CNGB3: variants seen among roughly 807,000 people sequenced by gnomAD.
CNGB3 encodes cyclic nucleotide-gated channel beta-3.
A neutral mutation model predicts 92.8 loss-of-function variants in CNGB3; 86 were observed. The observed-to-expected ratio is 0.93, with a 90% CI of 0.78 to 1.11. The LOEUF (loss-of-function observed/expected upper bound fraction) is 1.11, where lower values mean the gene tolerates loss of function less well. Ranked by LOEUF, CNGB3 falls within the 50% of genes least tolerant of loss-of-function variation. CNGB3 has a pLI of 0.00. For missense variants in CNGB3, 1,026 were observed against 956.8 expected, an observed-to-expected ratio of 1.07 and a Z score of -0.95; for synonymous variants, 333 against 332.7, an observed-to-expected ratio of 1.00 and a Z score of -0.01.
chr8:86,711,464 A>G (rs1042019027), intron 3 of CNGB3, among the ~76,000 whole-genome samples: 1 of 152,180 alleles, frequency 6.6e-6, no homozygotes, highest in African/African-American at 2.4e-5. Context: ...GTAATTGTCC[A>G]ATTTCCTTCT....
intron 17 of CNGB3, among the ~76,000 whole-genome samples, chr8:86,577,042 C>T (rs927548559): frequency 6.6e-6 from 1 of 152,078 alleles, no homozygotes; most frequent in African/African-American, 2.4e-5. Context: ...TGACTAGGTT[C>T]AGAAAACCTG....
rs1053882943 is a variant in CNGB3 at position 86,713,039 on chromosome 8, T to C, written c.338+13492A>G. On this transcript the variant is annotated intron_variant, in intron 3 of 17. Coordinates refer to ENST00000320005, the MANE Select transcript of CNGB3 (RefSeq NM_019098.5). Reference sequence around the variant, plus strand: ...AAAAACAAGTACCTGATAGAATATGTATTATTCCTCAAGTTTGATGTTCAT... The same window carrying C: ...AAAAACAAGTACCTGATAGAATATGCATTATTCCTCAAGTTTGATGTTCAT... 2.6e-5 allele frequency among the ~76,000 whole-genome samples: 4 copies of C among 152,212 alleles called. No homozygotes were observed. The East Asian group carries it at 5.8e-4, about 22-fold the overall frequency.
At chr8:86,630,943 T>A (rs1289469300) in intron 11 of CNGB3, among the ~76,000 whole-genome samples, 1 of 151,962 alleles carries the variant, frequency 6.6e-6, no homozygotes, top group Non-Finnish European at 1.5e-5. Flanking sequence ...GAGTGGAGGG[T>A]TTTTTTCTGT....
At chr8:86,674,934 C>T (rs554324037) in intron 3 of CNGB3, among the ~76,000 whole-genome samples, 1 of 133,210 alleles carries the variant, frequency 7.5e-6, no homozygotes, top group Non-Finnish European at 1.6e-5. Flanking sequence ...TTCTTTCTTT[C>T]TCTCTTTTTG....
intron 13 of CNGB3, among the ~76,000 whole-genome samples, chr8:86,621,116 A>G (rs182290008): frequency 6.6e-6 from 1 of 152,312 alleles, no homozygotes; most frequent in East Asian, 1.9e-4. Flanking sequence ...ATGAGGCAAA[A>G]AACTGATATC....
intron 10 of CNGB3, among the ~76,000 whole-genome samples, chr8:86,638,775 CA>C (rs1823122227): frequency 6.6e-6 from 1 of 151,846 alleles, no homozygotes. Context: ...TCTCCCCTGT[CA>C]TGCTTCTCAC....
chr8:86,711,554 A>C (rs1244882403), intron 3 of CNGB3, among the ~76,000 whole-genome samples: 1 of 152,150 alleles, frequency 6.6e-6, no homozygotes, highest in Non-Finnish European at 1.5e-5. Context: ...CCGAGCTGTC[A>C]TCTCTCCATG....
chr8:86,578,162 G>A (rs1821694088), intron 17 of CNGB3, among the ~76,000 whole-genome samples: 1 of 152,074 alleles, frequency 6.6e-6, no homozygotes, highest in African/African-American at 2.4e-5. Context: ...GCCCGCCTTG[G>A]TCTCCCAAAG....
chr8:86,639,219 A>C (rs1398487018), intron 10 of CNGB3, among the ~76,000 whole-genome samples: 2 of 152,054 alleles, frequency 1.3e-5, no homozygotes, highest in African/African-American at 4.8e-5. Flanking sequence ...AAATTTGTGC[A>C]CAGTGGGAAA....
At position 86,741,710 on chromosome 8, in the gene CNGB3, C is replaced by T. The variant is rs536042475; in HGVS notation, c.129+1789G>A. 2.4e-4 allele frequency among the ~76,000 whole-genome samples: 37 copies of T among 152,126 alleles called. 1 individual carries two copies. Among genetic ancestry groups the T allele is most frequent in the Admixed American group, 1.9e-3 (29 of 15,282 alleles). On this transcript the variant is annotated intron_variant, in intron 1 of 17. Coordinates refer to ENST00000320005, the MANE Select transcript of CNGB3 (RefSeq NM_019098.5). ...AATCTAATGTGATGCCAGTAGACTT[C>T]GCGATTAATATCCACAAATTATGGC... is the stretch of plus-strand genomic sequence containing the variant.
At chr8:86,610,743 C>T (rs561894951) in intron 14 of CNGB3, among the ~76,000 whole-genome samples, 1 of 152,194 alleles carries the variant, frequency 6.6e-6, no homozygotes, top group East Asian at 1.9e-4. Flanking sequence ...TTGAGTCTGT[C>T]ATGATATAAA....
At chr8:86,671,880 T>C (rs1337172144) in intron 3 of CNGB3, among the ~76,000 whole-genome samples, 1 of 152,206 alleles carries the variant, frequency 6.6e-6, no homozygotes, top group African/African-American at 2.4e-5. Context: ...GATTTCAGCC[T>C]TGTGAGACCT....
intron 6 of CNGB3, chr8:86,660,647 A>G: frequency 3.7e-6 from 2 of 533,506 alleles, no homozygotes; most frequent in Admixed American, 1.9e-5. Context: ...ATTTATTTGC[A>G]TAATGACCAA....
Position 86,628,953 on chromosome 8 carries a change from C to A in CNGB3, c.1446G>T (p.Trp482Cys). 1 of 1,613,866 alleles carries A rather than the reference C, an allele frequency of 6.2e-7. No homozygotes were observed. The highest frequency in any genetic ancestry group is 8.5e-7 in the Non-Finnish European group (1 of 1,179,888). Residue 482 changes from tryptophan (W) to cysteine (C), a missense_variant, in exon 12 of 18, where the codon TGG (tryptophan) becomes TGT (cysteine). Coordinates refer to ENST00000320005, the MANE Select transcript of CNGB3 (RefSeq NM_019098.5). The part of the protein sequence containing the change: ...PKLVQKRVRT[W>C]YEYTWDSQRM... ...TTTGAGAGTCCCATGTATATTCATACCAAGTCCGAACTCGCTTTTGCACAA... is the reference window on the plus strand; with the variant it reads ...TTTGAGAGTCCCATGTATATTCATAACAAGTCCGAACTCGCTTTTGCACAA...
intron 6 of CNGB3, chr8:86,660,853 C>T (rs1299867507): frequency 2.4e-6 from 1 of 418,704 alleles, no homozygotes; most frequent in South Asian, 1.9e-5. Flanking sequence ...AGTTTAAGGT[C>T]CTCTTCATAA....
At chr8:86,620,749 A>G (rs553494876) in intron 13 of CNGB3, among the ~76,000 whole-genome samples, 2 of 152,332 alleles carry the variant, frequency 1.3e-5, no homozygotes, top group East Asian at 3.9e-4. Context: ...TCAGTCAGGT[A>G]TAAATTATGA....
At chr8:86,684,881 G>T (rs1824154448) in intron 3 of CNGB3, among the ~76,000 whole-genome samples, 1 of 152,068 alleles carries the variant, frequency 6.6e-6, no homozygotes, top group African/African-American at 2.4e-5. Flanking sequence ...TTGCAGCATG[G>T]AATTTTGTAT....
chr8:86,691,773 G>A (rs1397454355), intron 3 of CNGB3, among the ~76,000 whole-genome samples: 2 of 151,988 alleles, frequency 1.3e-5, no homozygotes, highest in African/African-American at 2.4e-5. Flanking sequence ...TGGGTTGTGG[G>A]TTGGTTTGTT....
intron 1 of CNGB3, among the ~76,000 whole-genome samples, chr8:86,742,509 A>T (rs778164161): frequency 1.8e-4 from 27 of 152,130 alleles, no homozygotes; most frequent in Admixed American, 7.9e-4. Context: ...CTCTAGGCTC[A>T]TTTAAACCCG....
Sources: allele counts gnomAD v4.1 joint callset (sites outside exome capture counted in the v4.1 genomes callset), GRCh38; gene constraint gnomAD v4.1.1; transcripts MANE v1.5; gene names NCBI Gene and HGNC (gene_info 2026-07-23, HGNC 2026-07-21).